Variants in LHFPL3 observed in about 807,000 individuals in gnomAD.
The protein encoded by LHFPL3 is LHFPL tetraspan subfamily member 3, also known as LHFPL tetraspan subfamily member 3 protein.
LHFPL3 carries 5 observed loss-of-function variants against 19.3 expected under a neutral mutation model. The observed-to-expected ratio is 0.26, with a 90% CI of 0.14 to 0.54. The LOEUF (loss-of-function observed/expected upper bound fraction) is 0.54. LHFPL3 is among the 20% of genes least tolerant of loss of function. The pLI, the probability that LHFPL3 is intolerant of heterozygous loss-of-function variation, is 0.94. For missense variants in LHFPL3, 249 were observed against 307.4 expected, an observed-to-expected ratio of 0.81 and a Z score of 1.42; for synonymous variants, 133 against 126.2, an observed-to-expected ratio of 1.05 and a Z score of -0.36.
intron 1 of LHFPL3, among the ~76,000 whole-genome samples, chr7:104,610,395 A>G (rs1721452477): frequency 6.6e-6 from 1 of 152,098 alleles, no homozygotes; most frequent in Non-Finnish European, 1.5e-5. Flanking sequence ...CCAGAGAAAC[A>G]GAAAAGAGAG....
intron 1 of LHFPL3, among the ~76,000 whole-genome samples, chr7:104,695,623 T>G (rs1792983417): frequency 6.6e-6 from 1 of 152,210 alleles, no homozygotes; most frequent in Non-Finnish European, 1.5e-5. Flanking sequence ...ATTTATACAT[T>G]GTTTTTTCTG....
intron 1 of LHFPL3, among the ~76,000 whole-genome samples, chr7:104,476,000 C>T (rs532711740): frequency 7.5e-6 from 1 of 133,352 alleles, no homozygotes; most frequent in African/African-American, 2.6e-5. Flanking sequence ...TTCTTCTTGC[C>T]TGGGTGTAGC....
intron 1 of LHFPL3, among the ~76,000 whole-genome samples, chr7:104,516,187 G>A (rs1793917267): frequency 6.6e-6 from 1 of 152,072 alleles, no homozygotes; most frequent in Admixed American, 6.6e-5. Context: ...TCTTTACATG[G>A]TGGCATCAAG....
At position 104,806,851 on chromosome 7, in the gene LHFPL3, C is replaced by T. The variant is rs141476743; in HGVS notation, c.682+69940C>T. Among the ~76,000 whole-genome samples, 11 of 152,272 alleles carry T rather than the reference C, an allele frequency of 7.2e-5. No homozygotes were observed. In the East Asian group the frequency reaches 1.9e-3, roughly 27 times the overall value. ...TCCCTCACTCTCCTTGCTGCTGGAG[C>T]CATGGCTTCATTTTACTCATAATAC... On this transcript the variant is annotated intron_variant, in intron 2 of 2. Coordinates refer to ENST00000424859, the MANE Select transcript of LHFPL3 (RefSeq NM_199000.3).
chr7:104,830,574 A>C (rs1427534399), intron 2 of LHFPL3, among the ~76,000 whole-genome samples: 1 of 151,862 alleles, frequency 6.6e-6, no homozygotes, highest in Non-Finnish European at 1.5e-5. Context: ...TCCCAGCACC[A>C]TTTATTAAAT....
intron 1 of LHFPL3, among the ~76,000 whole-genome samples, chr7:104,524,326 C>T (rs7790617): frequency 0.13 from 19,757 of 152,060 alleles, 1,437 homozygotes; most frequent in South Asian, 0.17. Context: ...CAAGGAAGGC[C>T]GGGCAAGGGA....
intron 1 of LHFPL3, among the ~76,000 whole-genome samples, chr7:104,465,203 A>G (rs149307344): frequency 6.6e-6 from 1 of 152,224 alleles, no homozygotes; most frequent in Non-Finnish European, 1.5e-5. Flanking sequence ...CATTTTGTCC[A>G]TTGGACTTCA....
intron 1 of LHFPL3, among the ~76,000 whole-genome samples, chr7:104,441,410 T>G (rs1792221283): frequency 6.6e-6 from 1 of 152,212 alleles, no homozygotes; most frequent in African/African-American, 2.4e-5. Flanking sequence ...GGCAGAATTT[T>G]CTTCCTCTTT....
intron 2 of LHFPL3, among the ~76,000 whole-genome samples, chr7:104,807,230 C>A (rs1790379100): frequency 6.6e-6 from 1 of 151,992 alleles, no homozygotes; most frequent in Admixed American, 6.6e-5. Flanking sequence ...AGAGAGAGCA[C>A]CATGTGAAGA....
intron 1 of LHFPL3, among the ~76,000 whole-genome samples, chr7:104,658,941 A>G (rs1405846821): frequency 6.6e-6 from 1 of 152,204 alleles, no homozygotes; most frequent in African/African-American, 2.4e-5. Context: ...GCTGGAAGAG[A>G]TGAAGGAGTG....
chr7:104,518,442 G>C (rs1793964454), intron 1 of LHFPL3, among the ~76,000 whole-genome samples: 1 of 152,146 alleles, frequency 6.6e-6, no homozygotes, highest in South Asian at 2.1e-4. Context: ...CTTTGACTAA[G>C]AGGTTGTACC....
At chr7:104,682,000 A>G (rs1051823096) in intron 1 of LHFPL3, among the ~76,000 whole-genome samples, 3 of 152,248 alleles carry the variant, frequency 2.0e-5, no homozygotes, top group Non-Finnish European at 4.4e-5. Context: ...CATAGATGAT[A>G]ATAATTACAT....
At chr7:104,900,473 G>C (rs1274437190) in intron 2 of LHFPL3, among the ~76,000 whole-genome samples, 1 of 152,168 alleles carries the variant, frequency 6.6e-6, no homozygotes, top group Admixed American at 6.5e-5. Flanking sequence ...CTGACTCTTA[G>C]GCCATTTTCT....
intron 2 of LHFPL3, among the ~76,000 whole-genome samples, chr7:104,816,056 C>A (rs1790556204): frequency 6.6e-6 from 1 of 152,090 alleles, no homozygotes; most frequent in Non-Finnish European, 1.5e-5. Flanking sequence ...TTTCTGTCAC[C>A]TATTCTAGGA....
chr7:104,818,386 T>C (rs1049524393), intron 2 of LHFPL3, among the ~76,000 whole-genome samples: 1 of 133,648 alleles, frequency 7.5e-6, no homozygotes, highest in African/African-American at 2.8e-5. Flanking sequence ...ACTTCTCTCA[T>C]TAAAAAAAAA....
chr7:104,818,225 A>T (rs924567792), intron 2 of LHFPL3, among the ~76,000 whole-genome samples: 3 of 152,138 alleles, frequency 2.0e-5, no homozygotes, highest in Non-Finnish European at 4.4e-5. Flanking sequence ...ATTTTCTATC[A>T]GTTTCAAGAA....
At chr7:104,660,203 A>G in intron 1 of LHFPL3, among the ~76,000 whole-genome samples, 1 of 152,158 alleles carries the variant, frequency 6.6e-6, no homozygotes, top group East Asian at 1.9e-4. Flanking sequence ...GGGTTTCACC[A>G]TGTTAGCCAG....
In LHFPL3 at chr7:104,537,258, A is replaced by G. The variant is rs1013606743; in HGVS notation, c.446-199417A>G. On this transcript the variant is annotated intron_variant, in intron 1 of 2. Transcript: ENST00000424859. ...AGATGTGGGGGAGAGTGACATTTCCAGTTAACAGTAATTATTTCTAAAAAC... is the reference window on the plus strand; with the variant it reads ...AGATGTGGGGGAGAGTGACATTTCCGGTTAACAGTAATTATTTCTAAAAAC... Among the ~76,000 whole-genome samples the G allele has an allele frequency of 5.9e-5, 9 of 152,292 alleles. No homozygotes were observed. In the East Asian group the frequency reaches 1.7e-3, roughly 29 times the overall value.
chr7:104,411,349 G>T (rs1253322972), intron 1 of LHFPL3, among the ~76,000 whole-genome samples: 1 of 152,142 alleles, frequency 6.6e-6, no homozygotes, highest in East Asian at 1.9e-4. Context: ...AGATTGTCAG[G>T]TTATTTTGGC....
Sources: gnomAD v4.1 joint callset for allele counts (sites outside exome capture counted in the v4.1 genomes callset) on GRCh38, gnomAD v4.1.1 for gene constraint, MANE v1.5 for transcripts, NCBI Gene and HGNC (gene_info 2026-07-23, HGNC 2026-07-21) for gene names.